The following CALN1 variants were observed in gnomAD, a reference collection of about 807,000 sequenced individuals.
CALN1 encodes the protein calneuron 1, also known as calcium-binding protein 8.
CALN1 carries 17 observed loss-of-function variants against 30.6 expected under a neutral mutation model. The ratio of observed to expected loss-of-function variants is 0.56; its 90% CI spans 0.38 to 0.83. The LOEUF is 0.83. Among genes scored for constraint, CALN1 ranks in the 40% least tolerant of loss-of-function variants. The pLI, the probability that CALN1 is intolerant of heterozygous loss-of-function variation, is 0.00. For synonymous variants in CALN1, 156 were observed against 131.4 expected (o/e 1.19, Z -1.28); for missense variants, 291 against 354.9 (o/e 0.82, Z 1.45).
At chr7:72,308,557 G>A (rs1026277641) in intron 2 of CALN1, among the ~76,000 whole-genome samples, 19 of 152,278 alleles carry the variant, frequency 1.2e-4, no homozygotes, top group Non-Finnish European at 1.8e-4. Flanking sequence ...ATGAATGAAC[G>A]ATATGAGGGA....
chr7:72,245,361 A>T (rs1264690273), intron 3 of CALN1, among the ~76,000 whole-genome samples: 4 of 152,228 alleles, frequency 2.6e-5, no homozygotes, highest in African/African-American at 9.6e-5. Context: ...GCTCACGCCT[A>T]TAATCCCAGC....
chr7:72,038,171 C>T (rs553985565), intron 4 of CALN1, among the ~76,000 whole-genome samples: 3 of 149,964 alleles, frequency 2.0e-5, no homozygotes, highest in Middle Eastern at 3.6e-3. Context: ...AACCGAGTCT[C>T]GCAAATTGTG....
At chr7:72,195,593 GCTCT>G (rs944915610) in intron 3 of CALN1, among the ~76,000 whole-genome samples, 2 of 152,068 alleles carry the variant, frequency 1.3e-5, no homozygotes, top group Non-Finnish European at 1.5e-5. Flanking sequence ...TGTCCAGGCT[GCTCT>G]CTAACTCCTG....
chr7:72,013,247 ATTTTTTTTTTT>A (rs1025112311), intron 5 of CALN1, among the ~76,000 whole-genome samples: 2 of 92,978 alleles, frequency 2.2e-5, no homozygotes, highest in Non-Finnish European at 3.9e-5. Flanking sequence ...CTAATTTGAG[ATTTTTTTTTTT>A]TTTTTTTTTT....
intron 5 of CALN1, chr7:71,942,217 C>T: frequency 5.7e-6 from 1 of 176,032 alleles, no homozygotes; most frequent in Non-Finnish European, 1.2e-5. Context: ...AAACAAAAAA[C>T]AGAACAGTCA....
At chr7:71,818,955 G>A (rs1414738866) in intron 5 of CALN1, among the ~76,000 whole-genome samples, 3 of 151,800 alleles carry the variant, frequency 2.0e-5, no homozygotes, top group Admixed American at 1.3e-4. Flanking sequence ...TGATCTGCCC[G>A]CCTCAGCCTC....
At chr7:71,911,796 G>GGCAAA (rs1427744559) in intron 5 of CALN1, among the ~76,000 whole-genome samples, 1 of 152,100 alleles carries the variant, frequency 6.6e-6, no homozygotes, top group Non-Finnish European at 1.5e-5. Flanking sequence ...TCCTGCCTTT[G>GGCAAA]GCTGCAATAA....
intron 2 of CALN1, among the ~76,000 whole-genome samples, chr7:72,340,836 G>A (rs916191095): frequency 6.6e-6 from 1 of 152,162 alleles, no homozygotes; most frequent in South Asian, 2.1e-4. Flanking sequence ...AGTCTCACAA[G>A]ATCTGATGGT....
At chr7:72,267,075 C>T (rs1239209029) in intron 3 of CALN1, among the ~76,000 whole-genome samples, 2 of 152,162 alleles carry the variant, frequency 1.3e-5, no homozygotes, top group Non-Finnish European at 2.9e-5. Context: ...GAACTTTGAG[C>T]CATCAGATAA....
intron 5 of CALN1, among the ~76,000 whole-genome samples, chr7:71,827,791 T>TAAATAAAG (rs1789015553): frequency 1.3e-5 from 2 of 149,024 alleles, no homozygotes; most frequent in Admixed American, 1.3e-4. Context: ...AATAAATAAA[T>TAAATAAAG]AAATAAATAA....
intron 5 of CALN1, among the ~76,000 whole-genome samples, chr7:71,942,682 T>A (rs1584567603): frequency 1.3e-5 from 2 of 152,296 alleles, no homozygotes; most frequent in African/African-American, 2.4e-5. Flanking sequence ...ACTAGTGATA[T>A]CTTTAGCAGG....
chr7:72,084,386 A>ATT (rs35476098), intron 4 of CALN1, among the ~76,000 whole-genome samples: 4 of 142,592 alleles, frequency 2.8e-5, no homozygotes, highest in Non-Finnish European at 4.6e-5. Context: ...ATGTAGTAAA[A>ATT]TTTTTTTTTT....
chr7:71,927,927 C>A (rs916485975), intron 5 of CALN1, among the ~76,000 whole-genome samples: 1 of 152,136 alleles, frequency 6.6e-6, no homozygotes, highest in Non-Finnish European at 1.5e-5. Flanking sequence ...GGTCAAACAC[C>A]CAGGAATGGA....
chr7:71,933,897 C>T (rs554069963), intron 5 of CALN1, among the ~76,000 whole-genome samples: 21 of 152,064 alleles, frequency 1.4e-4, no homozygotes, highest in Non-Finnish European at 2.6e-4. Context: ...AGGCAGGTGA[C>T]GTGAGTGAGT....
chr7:72,393,318 G>C (rs999118248), intron 2 of CALN1, among the ~76,000 whole-genome samples: 1 of 152,024 alleles, frequency 6.6e-6, no homozygotes, highest in Non-Finnish European at 1.5e-5. Flanking sequence ...CAAGAAATTA[G>C]CCGGGCATGG....
chr7:72,270,350 TGAA>T lies in CALN1; in HGVS notation c.244+8333_244+8335del, dbSNP rs1796896663. On this transcript the variant is annotated intron_variant, in intron 3 of 6. Transcript: ENST00000395275. ...ACTAAATAAATAAATTCTAAATAAA[TGAA>T]GGATATACAGATATTCACTTTTACT... 3.9e-5 allele frequency among the ~76,000 whole-genome samples: 6 copies of T among 152,114 alleles called. No homozygotes were observed. In the South Asian group the frequency reaches 1.2e-3, roughly 32 times the overall value.
At chr7:72,071,533 G>A (rs916637162) in intron 4 of CALN1, among the ~76,000 whole-genome samples, 7 of 152,162 alleles carry the variant, frequency 4.6e-5, no homozygotes, top group African/African-American at 1.7e-4. Flanking sequence ...ATGAAAAGGT[G>A]CAGGCTCAGA....
intron 6 of CALN1, among the ~76,000 whole-genome samples, chr7:71,789,961 G>C (rs1357334857): frequency 1.3e-5 from 2 of 151,922 alleles, no homozygotes; most frequent in Admixed American, 6.6e-5. Context: ...AATTTAGCTG[G>C]GTGTCGTTGG....
At chr7:72,336,689 G>C (rs750642789) in intron 2 of CALN1, 32 of 985,202 alleles carry the variant, frequency 3.2e-5, no homozygotes, top group Non-Finnish European at 3.6e-5. Context: ...CTAGGGAGCC[G>C]GCGGCGGCAC....
Sources: gnomAD v4.1 joint callset for allele counts (sites outside exome capture counted in the v4.1 genomes callset) on GRCh38, gnomAD v4.1.1 for gene constraint, MANE v1.5 for transcripts, NCBI Gene and HGNC (gene_info 2026-07-23, HGNC 2026-07-21) for gene names.